Variants in SHISA9 observed in about 807,000 individuals in gnomAD.
The protein encoded by SHISA9 is shisa family member 9.
SHISA9 carries 13 observed loss-of-function variants against 38.0 expected under a neutral mutation model. The ratio of observed to expected loss-of-function variants is 0.34; its 90% CI spans 0.22 to 0.54. The LOEUF is 0.54. Ranked by LOEUF, SHISA9 falls within the 20% of genes least tolerant of loss-of-function variation. SHISA9 has a pLI of 0.91. For synonymous variants in SHISA9, 275 were observed against 242.0 expected (o/e 1.14, Z -1.27); for missense variants, 538 against 575.8 (o/e 0.93, Z 0.67).
At chr16:13,556,494 A>G in the SHISA9 span, among the ~76,000 whole-genome samples, 1,349 of 152,138 alleles carry the variant, frequency 8.9e-3, 22 homozygotes, top group African/African-American at 0.031. Flanking sequence ...CCCCGTCTCT[A>G]CTAAACAAAA....
At chr16:13,372,032 C>T in the SHISA9 span, among the ~76,000 whole-genome samples, 1 of 152,216 alleles carries the variant, frequency 6.6e-6, no homozygotes, top group African/African-American at 2.4e-5. Context: ...AGAGCTCTTC[C>T]AGGCATTTAG....
chr16:13,466,571 G>C, the SHISA9 span, among the ~76,000 whole-genome samples: 1 of 152,074 alleles, frequency 6.6e-6, no homozygotes, highest in East Asian at 1.9e-4. Context: ...TGTTGTTGTT[G>C]TTGTTGTTTT....
At chr16:13,370,973 A>G in the SHISA9 span, among the ~76,000 whole-genome samples, 1 of 152,258 alleles carries the variant, frequency 6.6e-6, no homozygotes, top group East Asian at 1.9e-4. Context: ...AGGGCACCCA[A>G]ATAAATTTGA....
chr16:13,436,695 C>T, the SHISA9 span, among the ~76,000 whole-genome samples: 1 of 152,144 alleles, frequency 6.6e-6, no homozygotes, highest in East Asian at 1.9e-4. Flanking sequence ...GATTGGGATC[C>T]ATTTCTGGTA....
At chr16:13,009,787 C>G (rs1329144316) in intron 2 of SHISA9, among the ~76,000 whole-genome samples, 1 of 152,220 alleles carries the variant, frequency 6.6e-6, no homozygotes, top group African/African-American at 2.4e-5. Flanking sequence ...ATCAATGGCT[C>G]TGCAGATGCC....
chr16:13,063,361 C>T (rs1596621114), intron 2 of SHISA9, among the ~76,000 whole-genome samples: 2 of 151,406 alleles, frequency 1.3e-5, no homozygotes, highest in Admixed American at 6.6e-5. Flanking sequence ...TAAAGTTGGT[C>T]GGGACCTTAA....
At chr16:12,921,870 G>A (rs912866649) in intron 2 of SHISA9, among the ~76,000 whole-genome samples, 3 of 152,208 alleles carry the variant, frequency 2.0e-5, no homozygotes, top group Non-Finnish European at 4.4e-5. Context: ...GTAAGATAGT[G>A]TAATATCAGC....
the SHISA9 span, among the ~76,000 whole-genome samples, chr16:13,560,319 C>T: frequency 6.6e-6 from 1 of 152,286 alleles, no homozygotes; most frequent in South Asian, 2.1e-4. Context: ...GTCATGTGGT[C>T]ACCCCTGAAC....
At chr16:13,287,013 G>A in the SHISA9 span, among the ~76,000 whole-genome samples, 3 of 151,820 alleles carry the variant, frequency 2.0e-5, no homozygotes, top group Non-Finnish European at 4.4e-5. Flanking sequence ...TTACCTCTTC[G>A]ATTCACTCAT....
the SHISA9 span, among the ~76,000 whole-genome samples, chr16:13,308,810 A>G: frequency 6.6e-6 from 1 of 152,230 alleles, no homozygotes; most frequent in Non-Finnish European, 1.5e-5. Context: ...GGGTCAAATA[A>G]TTAAATCGCC....
the SHISA9 span, among the ~76,000 whole-genome samples, chr16:13,337,000 T>G: frequency 1.3e-5 from 2 of 152,206 alleles, no homozygotes; most frequent in Non-Finnish European, 2.9e-5. Flanking sequence ...GATATTCTCT[T>G]CTGAAACAAA....
the SHISA9 span, among the ~76,000 whole-genome samples, chr16:13,352,198 C>T: frequency 6.6e-6 from 1 of 152,162 alleles, no homozygotes; most frequent in African/African-American, 2.4e-5. Context: ...TCATTCTGAG[C>T]CACAGGAGGG....
intron 2 of SHISA9, among the ~76,000 whole-genome samples, chr16:13,121,520 C>T (rs1466676635): frequency 6.6e-6 from 1 of 152,126 alleles, no homozygotes; most frequent in Non-Finnish European, 1.5e-5. Flanking sequence ...TCTCTGCATT[C>T]TGTGCATTTC....
the SHISA9 span, among the ~76,000 whole-genome samples, chr16:13,356,456 G>C: frequency 6.6e-6 from 1 of 152,156 alleles, no homozygotes. Context: ...TTTAGCTCCA[G>C]CCACCTTTTT....
At chr16:13,499,669 C>T in the SHISA9 span, among the ~76,000 whole-genome samples, 1 of 152,084 alleles carries the variant, frequency 6.6e-6, no homozygotes, top group Non-Finnish European at 1.5e-5. Context: ...TCTCAAAGGT[C>T]ACAGTGACTG....
the SHISA9 span, among the ~76,000 whole-genome samples, chr16:13,392,847 G>A: frequency 1.3e-5 from 2 of 152,200 alleles, no homozygotes; most frequent in South Asian, 2.1e-4. Flanking sequence ...TGCAAAGCAC[G>A]AGAAGCTAAG....
the SHISA9 span, among the ~76,000 whole-genome samples, chr16:13,357,231 C>T: frequency 1.3e-5 from 2 of 152,156 alleles, no homozygotes; most frequent in Admixed American, 6.5e-5. Context: ...GGACTTGCCG[C>T]TAAGGGTGAA....
chr16:13,530,106 C>G, the SHISA9 span, among the ~76,000 whole-genome samples: 1 of 152,186 alleles, frequency 6.6e-6, no homozygotes, highest in Non-Finnish European at 1.5e-5. Context: ...CGAGGCCAGC[C>G]TGGCCAACAT....
chr16:13,170,852 T>A (rs1475279085), intron 2 of SHISA9, among the ~76,000 whole-genome samples: 1 of 152,170 alleles, frequency 6.6e-6, no homozygotes, highest in African/African-American at 2.4e-5. Flanking sequence ...AGATGGGGTT[T>A]CACCATGTTG....
Sources: allele counts gnomAD v4.1 joint callset (sites outside exome capture counted in the v4.1 genomes callset), GRCh38; gene constraint gnomAD v4.1.1; transcripts MANE v1.5; gene names NCBI Gene and HGNC (gene_info 2026-07-23, HGNC 2026-07-21).